LARGE1: variants seen among roughly 807,000 people sequenced by gnomAD.
LARGE1 encodes LARGE xylosyl- and glucuronyltransferase 1.
LARGE1 carries 43 observed loss-of-function variants against 87.6 expected under a neutral mutation model. The ratio of observed to expected loss-of-function variants is 0.49; its 90% CI spans 0.38 to 0.63. LARGE1 has a LOEUF of 0.63. LARGE1 is among the 30% of genes least tolerant of loss of function. The pLI, the probability that LARGE1 is intolerant of heterozygous loss-of-function variation, is 0.00. For missense variants in LARGE1, 802 were observed against 1,000.2 expected, an observed-to-expected ratio of 0.80 and a Z score of 2.67; for synonymous variants, 434 against 394.6, an observed-to-expected ratio of 1.10 and a Z score of -1.18.
chr22:33,588,594 C>G (rs1267347432), intron 5 of LARGE1, among the ~76,000 whole-genome samples: 2 of 152,088 alleles, frequency 1.3e-5, no homozygotes, highest in African/African-American at 2.4e-5. Flanking sequence ...AAATGAAAAG[C>G]AAGTCCAAGT....
At chr22:33,575,577 T>C (rs747403645) in intron 5 of LARGE1, among the ~76,000 whole-genome samples, 8 of 152,180 alleles carry the variant, frequency 5.3e-5, no homozygotes, top group Non-Finnish European at 1.2e-4. Flanking sequence ...TAGAAGGAAA[T>C]GTTGAGAGAG....
chr22:33,262,794 TCCTTC>T (rs1927710422), intron 11 of LARGE1, among the ~76,000 whole-genome samples: 1 of 148,848 alleles, frequency 6.7e-6, no homozygotes, highest in South Asian at 2.2e-4. Flanking sequence ...CCCTTCCCTT[TCCTTC>T]CTTCCTTCCT....
At chr22:33,652,783 G>A (rs146494871) in intron 2 of LARGE1, among the ~76,000 whole-genome samples, 101 of 152,216 alleles carry the variant, frequency 6.6e-4, no homozygotes, top group African/African-American at 2.2e-3. Context: ...TCTGCCCAGG[G>A]CTTTTTGATG....
At chr22:33,559,300 G>A (rs1186611992) in intron 6 of LARGE1, among the ~76,000 whole-genome samples, 1 of 152,178 alleles carries the variant, frequency 6.6e-6, no homozygotes, top group Non-Finnish European at 1.5e-5. Flanking sequence ...TATTGCCTCA[G>A]CCTCCTGAGT....
chr22:33,197,558 A>G (rs1409028614), intron 11 of LARGE1, among the ~76,000 whole-genome samples: 1 of 152,068 alleles, frequency 6.6e-6, no homozygotes, highest in African/African-American at 2.4e-5. Context: ...ATAAATGTAA[A>G]TTTACTTAGG....
chr22:33,583,591 C>T (rs1363839890), intron 5 of LARGE1, among the ~76,000 whole-genome samples: 17 of 152,210 alleles, frequency 1.1e-4, no homozygotes, highest in Admixed American at 3.3e-4. Flanking sequence ...AATTTAACAA[C>T]GCCTATCCCA....
At chr22:33,762,088 C>T (rs934554810) in intron 1 of LARGE1, among the ~76,000 whole-genome samples, 1 of 151,832 alleles carries the variant, frequency 6.6e-6, no homozygotes, top group Admixed American at 6.6e-5. Flanking sequence ...TGGTGGCACG[C>T]CTGCAATCCC....
At chr22:33,625,587 C>T (rs73168585) in intron 4 of LARGE1, among the ~76,000 whole-genome samples, 129 of 152,318 alleles carry the variant, frequency 8.5e-4, no homozygotes, top group Non-Finnish European at 1.2e-3. Flanking sequence ...TAAGAAAACA[C>T]CACCGACTAG....
At chr22:33,231,748 G>A (rs1021649221) in intron 11 of LARGE1, among the ~76,000 whole-genome samples, 1 of 152,040 alleles carries the variant, frequency 6.6e-6, no homozygotes, top group African/African-American at 2.4e-5. Flanking sequence ...TAATTCCACC[G>A]CTTGTACAAT....
chr22:33,139,471 TTCC>T, the LARGE1 span, among the ~76,000 whole-genome samples: 25 of 152,132 alleles, frequency 1.6e-4, no homozygotes, highest in Non-Finnish European at 3.1e-4. Context: ...ACTGTTTATT[TTCC>T]CTCATTCTTT....
chr22:33,194,724 G>A (rs966326272), intron 11 of LARGE1, among the ~76,000 whole-genome samples: 5 of 152,136 alleles, frequency 3.3e-5, no homozygotes, highest in Non-Finnish European at 5.9e-5. Flanking sequence ...CCACATTCTT[G>A]AGATGCCAGG....
intron 11 of LARGE1, among the ~76,000 whole-genome samples, chr22:33,311,686 C>CT (rs1034889603): frequency 6.6e-6 from 1 of 151,990 alleles, no homozygotes. Flanking sequence ...CCAAGTCTTG[C>CT]TTTTTTTTCT....
the LARGE1 span, among the ~76,000 whole-genome samples, chr22:33,102,294 G>A: frequency 1.3e-5 from 2 of 151,562 alleles, no homozygotes; most frequent in Non-Finnish European, 2.9e-5. Context: ...TCAGCCTCCC[G>A]AGTAGCTGGG....
intron 1 of LARGE1, among the ~76,000 whole-genome samples, chr22:33,836,255 T>A (rs896598054): frequency 5.9e-5 from 9 of 152,122 alleles, no homozygotes; most frequent in Non-Finnish European, 1.3e-4. Context: ...GCTCTCTACC[T>A]CTCTGAGCAT....
At chr22:33,617,594 A>G (rs1187198990) in intron 4 of LARGE1, among the ~76,000 whole-genome samples, 1 of 152,230 alleles carries the variant, frequency 6.6e-6, no homozygotes, top group Non-Finnish European at 1.5e-5. Context: ...ACTTGCGAGC[A>G]CTGCCTGAGG....
intron 3 of LARGE1, among the ~76,000 whole-genome samples, chr22:33,633,685 T>A (rs576295564): frequency 2.0e-5 from 3 of 151,880 alleles, no homozygotes; most frequent in African/African-American, 7.2e-5. Context: ...ACTGAGAGAG[T>A]GAGAGGCGAA....
chr22:33,705,833 A>G (rs2082545788), intron 2 of LARGE1, among the ~76,000 whole-genome samples: 1 of 152,214 alleles, frequency 6.6e-6, no homozygotes, highest in South Asian at 2.1e-4. Context: ...TTCGATGATG[A>G]TAATAGCACC....
At chr22:33,315,272 T>G (rs963027608) in intron 11 of LARGE1, among the ~76,000 whole-genome samples, 1 of 152,218 alleles carries the variant, frequency 6.6e-6, no homozygotes. Flanking sequence ...GGAGCCTGGA[T>G]GTGAACGTGT....
chr22:33,393,371 T>C lies in LARGE1; in HGVS notation c.893-9067A>G, dbSNP rs555431574. ...CTTAATAAATGACAGTTACAGAAAC[T>C]ATACATTTCCTCATTAAGGTGTCTA... On this transcript the variant is annotated intron_variant, in intron 7 of 14. Coordinates refer to ENST00000397394, the MANE Select transcript of LARGE1 (RefSeq NM_133642.5). Among the ~76,000 whole-genome samples the C allele has an allele frequency of 2.2e-3, 335 of 152,358 alleles. 1 individual carries two copies. The highest frequency in any genetic ancestry group is 3.1e-3 in the Non-Finnish European group (208 of 68,040).
Sources: gnomAD v4.1 joint callset for allele counts (sites outside exome capture counted in the v4.1 genomes callset) on GRCh38, gnomAD v4.1.1 for gene constraint, MANE v1.5 for transcripts, NCBI Gene and HGNC (gene_info 2026-07-23, HGNC 2026-07-21) for gene names.